POU6F2: variants seen among roughly 807,000 people sequenced by gnomAD.
POU6F2 encodes the protein POU domain, class 6, transcription factor 2.
POU6F2 carries 31 observed loss-of-function variants against 71.3 expected under a neutral mutation model. The observed-to-expected ratio is 0.43, with a 90% confidence interval of 0.33 to 0.59. POU6F2 has a LOEUF of 0.59. Among genes scored for constraint, POU6F2 ranks in the 20% least tolerant of loss-of-function variants. The pLI, the probability that POU6F2 is intolerant of heterozygous loss-of-function variation, is 0.04. For missense variants in POU6F2, 783 were observed against 856.8 expected (o/e 0.91, Z 1.07); for synonymous variants, 347 against 355.7 (o/e 0.98, Z 0.27).
At chr7:39,344,292 G>T (rs1186180885) in intron 5 of POU6F2, among the ~76,000 whole-genome samples, 2 of 152,134 alleles carry the variant, frequency 1.3e-5, no homozygotes, top group Admixed American at 6.5e-5. Context: ...CCTCCTCGGA[G>T]GTGAAGTTGC....
At chr7:39,204,865 A>G (rs773823583) in intron 3 of POU6F2, among the ~76,000 whole-genome samples, 12 of 150,460 alleles carry the variant, frequency 8.0e-5, no homozygotes, top group Non-Finnish European at 1.5e-4. Context: ...GGTGTGGGCT[A>G]TATGGAGATG....
At chr7:39,052,408 T>C (rs1790416939) in intron 1 of POU6F2, among the ~76,000 whole-genome samples, 1 of 152,114 alleles carries the variant, frequency 6.6e-6, no homozygotes, top group African/African-American at 2.4e-5. Context: ...TGGAGAGGCC[T>C]CAGGAAGCTT....
intron 1 of POU6F2, among the ~76,000 whole-genome samples, chr7:38,992,867 T>C (rs2116630501): frequency 6.6e-6 from 1 of 152,300 alleles, no homozygotes; most frequent in Admixed American, 6.5e-5. Flanking sequence ...GTCTGGGAAA[T>C]GGATTATTCA....
At chr7:39,263,673 G>GCA (rs78436988) in intron 4 of POU6F2, among the ~76,000 whole-genome samples, 15 of 149,550 alleles carry the variant, frequency 1.0e-4, no homozygotes, top group South Asian at 4.2e-4. Flanking sequence ...GCACACACAC[G>GCA]CACACACACA....
chr7:39,416,844 G>T (rs774836464), intron 6 of POU6F2, among the ~76,000 whole-genome samples: 9 of 151,384 alleles, frequency 5.9e-5, no homozygotes, highest in Non-Finnish European at 1.3e-4. Context: ...TCATTGAAAT[G>T]TTGTAATTAA....
intron 2 of POU6F2, among the ~76,000 whole-genome samples, chr7:39,104,244 AC>A (rs1359066487): frequency 1.3e-5 from 2 of 152,222 alleles, no homozygotes; most frequent in Non-Finnish European, 2.9e-5. Context: ...CTGCACTAAA[AC>A]CCACTCCAGA....
At chr7:39,383,684 G>A (rs1282507955) in intron 5 of POU6F2, among the ~76,000 whole-genome samples, 1 of 152,200 alleles carries the variant, frequency 6.6e-6, no homozygotes, top group African/African-American at 2.4e-5. Context: ...AACCAGTCAT[G>A]TGATGCAGTG....
chr7:39,291,593 C>A (rs1784757671), intron 4 of POU6F2, among the ~76,000 whole-genome samples: 1 of 152,174 alleles, frequency 6.6e-6, no homozygotes, highest in Non-Finnish European at 1.5e-5. Context: ...GTGGCAATTT[C>A]CCAACGTGGC....
chr7:39,002,596 C>T (rs1341403480), intron 1 of POU6F2, among the ~76,000 whole-genome samples: 1 of 152,224 alleles, frequency 6.6e-6, no homozygotes, highest in Non-Finnish European at 1.5e-5. Context: ...ATCCACCCAC[C>T]TCAGCCTCCC....
At chr7:39,031,740 G>A (rs1789947615) in intron 1 of POU6F2, among the ~76,000 whole-genome samples, 1 of 152,064 alleles carries the variant, frequency 6.6e-6, no homozygotes, top group African/African-American at 2.4e-5. Context: ...AATTTGCCAG[G>A]CATGGTGGTG....
At chr7:39,096,692 C>T (rs575691249) in intron 2 of POU6F2, among the ~76,000 whole-genome samples, 5 of 152,184 alleles carry the variant, frequency 3.3e-5, no homozygotes, top group African/African-American at 7.2e-5. Context: ...TGCACATTTA[C>T]GTTAGTTGCT....
intron 1 of POU6F2, among the ~76,000 whole-genome samples, chr7:39,084,607 T>G (rs1791195631): frequency 6.6e-6 from 1 of 152,202 alleles, no homozygotes; most frequent in Non-Finnish European, 1.5e-5. Flanking sequence ...GTATGAGTAT[T>G]GACTAAAGAA....
intron 5 of POU6F2, among the ~76,000 whole-genome samples, chr7:39,392,438 C>T (rs1490666784): frequency 6.6e-6 from 1 of 152,154 alleles, no homozygotes; most frequent in Non-Finnish European, 1.5e-5. Context: ...CCCTTTCTTC[C>T]AGGTCTGCTT....
chr7:39,170,063 G>C (rs1793189546), intron 2 of POU6F2, among the ~76,000 whole-genome samples: 1 of 152,104 alleles, frequency 6.6e-6, no homozygotes, highest in Non-Finnish European at 1.5e-5. Flanking sequence ...AGCTACTCAG[G>C]AAGCTGAGAA....
chr7:39,440,464 C>T (rs1234491290), intron 7 of POU6F2, among the ~76,000 whole-genome samples: 1 of 152,206 alleles, frequency 6.6e-6, no homozygotes. Context: ...CTTTCTTCCA[C>T]TTGATCAATT....
intron 5 of POU6F2, among the ~76,000 whole-genome samples, chr7:39,355,399 C>G (rs986747899): frequency 1.3e-5 from 2 of 151,982 alleles, no homozygotes; most frequent in African/African-American, 4.8e-5. Flanking sequence ...AGAGATAGAT[C>G]TAATTGTACA....
At chr7:39,412,508 A>G (rs752441098) in intron 6 of POU6F2, among the ~76,000 whole-genome samples, 1 of 152,200 alleles carries the variant, frequency 6.6e-6, no homozygotes, top group African/African-American at 2.4e-5. Flanking sequence ...ATAGCTTAAC[A>G]CATTTGTAAA....
chr7:39,312,526 T>C (rs1181082337), intron 4 of POU6F2, among the ~76,000 whole-genome samples: 1 of 152,168 alleles, frequency 6.6e-6, no homozygotes, highest in Non-Finnish European at 1.5e-5. Context: ...CCTTTATCTG[T>C]GGGGAACACA....
chr7:39,205,732 A>T (rs1303817078), intron 3 of POU6F2, among the ~76,000 whole-genome samples: 1 of 152,204 alleles, frequency 6.6e-6, no homozygotes, highest in African/African-American at 2.4e-5. Flanking sequence ...GCACAAATAC[A>T]TTAGGAGCAA....
Sources: allele counts gnomAD v4.1 joint callset (sites outside exome capture counted in the v4.1 genomes callset), GRCh38; gene constraint gnomAD v4.1.1; transcripts MANE v1.5; gene names NCBI Gene and HGNC (gene_info 2026-07-23, HGNC 2026-07-21).